The following UROC1 variants were observed in gnomAD, a reference collection of about 807,000 sequenced individuals.
The protein encoded by UROC1 is urocanate hydratase 1.
A neutral mutation model predicts 89.5 loss-of-function variants in UROC1; 79 were observed. The observed-to-expected ratio is 0.88, with a 90% CI of 0.74 to 1.06. The LOEUF (loss-of-function observed/expected upper bound fraction) is 1.06, where lower values mean the gene tolerates loss of function less well. Among genes scored for constraint, UROC1 ranks in the 50% least tolerant of loss-of-function variants. UROC1 has a pLI of 0.00. For missense variants in UROC1, 885 were observed against 907.8 expected (o/e 0.97, Z 0.32); for synonymous variants, 361 against 354.8 (o/e 1.02, Z -0.20).
At chr3:126,501,011 C>A in intron 10 of UROC1, 137 bp from the exon 11 acceptor site, 3 of 1,378,140 alleles carry the variant, frequency 2.2e-6, no homozygotes, top group South Asian at 2.4e-5. Context: ...CCCTGCTTTC[C>A]CCCTGGAAAG....
At chr3:126,499,512 C>T in intron 12 of UROC1, 103 bp from the exon 13 acceptor site, 4 of 1,136,790 alleles carry the variant, frequency 3.5e-6, no homozygotes, top group Non-Finnish European at 3.9e-6. Context: ...GGGAAGGATG[C>T]ACAAGGTCTT....
At chr3:126,494,931 C>G (rs1000020258) in intron 15 of UROC1, among the ~76,000 whole-genome samples, 29 of 152,250 alleles carry the variant, frequency 1.9e-4, no homozygotes, top group South Asian at 4.1e-4. Flanking sequence ...CAAGCAGGGC[C>G]ACAGGGGCCT....
Position 126,482,327 on chromosome 3 carries a change from C to A in UROC1, c.*18G>T. ...CGCCAGGGAGGAAGGGAGGCAGGGG[C>A]CGCGACTCCTGGCTCCCTCAGAGCT... On this transcript the variant is annotated 3_prime_UTR_variant, in exon 20 of 20. Coordinates refer to ENST00000290868, the MANE Select transcript of UROC1 (RefSeq NM_144639.3). The A allele has an allele frequency of 1.2e-6, 2 of 1,610,280 alleles. No homozygotes were observed. Among genetic ancestry groups the A allele is most frequent in the Non-Finnish European group, 1.7e-6 (2 of 1,178,344 alleles).
chr3:126,497,830 G>A (rs1043006771), intron 14 of UROC1, among the ~76,000 whole-genome samples: 1 of 152,260 alleles, frequency 6.6e-6, no homozygotes, highest in Non-Finnish European at 1.5e-5. Context: ...TGCCTCCACG[G>A]CTGAGAACGA....
At position 126,498,145 on chromosome 3, in the gene UROC1, A is replaced by G; in HGVS notation, c.1344T>C (p.Pro448=). The change falls in exon 14 of 20, where the codon CCT becomes CCC. Residue 448 remains proline (P), a synonymous_variant. Coordinates refer to ENST00000290868, the MANE Select transcript of UROC1 (RefSeq NM_144639.3). ...MGDIFSQGFG[P]FRWVCTSGDP... ...CCCCCGATGTGCACACCCAGCGGAA[A>G]GGCCCAAATCCCTGGGAGAATATGT... The G allele has an allele frequency of 6.2e-7, 1 of 1,614,220 alleles. No homozygotes were observed.
chr3:126,483,565 C>T (rs1395059829), intron 18 of UROC1, 97 bp from the exon 19 acceptor site: 4 of 1,215,660 alleles, frequency 3.3e-6, no homozygotes, highest in Admixed American at 4.0e-5. Context: ...CTTGAGACGG[C>T]GTCAGGGTTG....
At chr3:126,515,352 A>T (rs1333692166) in intron 1 of UROC1, among the ~76,000 whole-genome samples, 1 of 151,658 alleles carries the variant, frequency 6.6e-6, no homozygotes, top group African/African-American at 2.4e-5. Context: ...CCTGCTTGCA[A>T]TCTGCCCCTG....
Position 126,503,875 on chromosome 3 carries a change from T to G in UROC1, c.902+120A>C. 3.8e-6 allele frequency: 4 copies of G among 1,043,586 alleles called. No individual in the cohort carries two copies. The East Asian group carries it at 9.4e-5, about 25-fold the overall frequency. The allele number at this position is 1,043,586 out of a possible 1,614,324, so 64.6% of individuals were successfully genotyped here. A position where few individuals can be genotyped will look rare whatever the true frequency, so the allele number is the denominator to read the frequency against. On this transcript the variant is annotated intron_variant, in intron 9 of 19. Coordinates refer to ENST00000290868, the MANE Select transcript of UROC1 (RefSeq NM_144639.3). The stretch of plus-strand genomic sequence containing the variant: ...TGTGCATGTATGTGTGGTGCCCACA[T>G]GTAGCCAGCTGTCAGGCATTAAACA...
rs1935400911 is a variant in UROC1 at position 126,482,060 on chromosome 3, G to A, written c.*285C>T. Reference sequence around the variant, plus strand: ...GAGCTTGACCAGTGTTCACCGCAGGGCCCCCGGGCAGGCTTGGGACTTGGC... The same window carrying A: ...GAGCTTGACCAGTGTTCACCGCAGGACCCCCGGGCAGGCTTGGGACTTGGC... On this transcript the variant is annotated 3_prime_UTR_variant, in exon 20 of 20. Coordinates refer to ENST00000290868, the MANE Select transcript of UROC1 (RefSeq NM_144639.3). The A allele has an allele frequency of 6.1e-6, 3 of 490,626 alleles. No individual in the cohort carries two copies. Among genetic ancestry groups the A allele is most frequent in the Admixed American group, 6.8e-5 (2 of 29,618 alleles). 30.4% of individuals were successfully genotyped at this position (490,626 alleles called of 1,614,324 possible). A position where few individuals can be genotyped will look rare whatever the true frequency, so the allele number is the denominator to read the frequency against.
chr3:126,502,253 ATG>A (rs939869636), intron 9 of UROC1, among the ~76,000 whole-genome samples: 2 of 148,236 alleles, frequency 1.3e-5, no homozygotes, highest in African/African-American at 5.0e-5. Flanking sequence ...CTGTGTGTTT[ATG>A]TGTGTGTGCG....
rs769909802 is a variant in UROC1 at position 126,489,350 on chromosome 3, T to C, written c.1634A>G (p.His545Arg). The part of the protein sequence containing the change: ...IKAPVVLSRD[H>R]HDVSGTDSPF... ...GCTGTCGGTGCCGCTCACGTCATGG[T>C]GATCTCGGCTCAGGACCACCGGCGC... is the stretch of plus-strand genomic sequence containing the variant. Residue 545 changes from histidine to arginine, a missense_variant, in exon 17 of 20, where the codon CAC becomes CGC. His to Arg is a conservative substitution (Grantham distance 29, BLOSUM62 0). Transcript: ENST00000290868. The C allele has an allele frequency of 3.7e-6, 6 of 1,613,004 alleles. No individual in the cohort carries two copies.
Position 126,492,533 on chromosome 3 carries a change from A to G in UROC1, c.1510-17T>C. 6.2e-7 allele frequency: 1 copy of G among 1,601,908 alleles called. No individual in the cohort carries two copies. The highest frequency in any genetic ancestry group is 1.3e-5 in the African/African-American group (1 of 74,846). ...GCCCACCACCTGAGGAGAGAAGGGC[A>G]ACTGGCATCTCAGCCAACATAGGCA... On this transcript the variant is annotated splice_polypyrimidine_tract_variant and intron_variant, in intron 15 of 19. Coordinates refer to ENST00000290868, the MANE Select transcript of UROC1 (RefSeq NM_144639.3).
At chr3:126,515,390 C>T (rs575164837) in intron 1 of UROC1, among the ~76,000 whole-genome samples, 2 of 150,086 alleles carry the variant, frequency 1.3e-5, no homozygotes, top group Non-Finnish European at 3.0e-5. Flanking sequence ...CGCCCCCGTC[C>T]AGGACCCACC....
intron 9 of UROC1, chr3:126,502,042 T>C: frequency 7.4e-7 from 1 of 1,342,374 alleles, no homozygotes; most frequent in South Asian, 1.6e-5. Flanking sequence ...CTCGAGACAG[T>C]TCCTTAAACT....
intron 1 of UROC1, among the ~76,000 whole-genome samples, chr3:126,511,798 G>A (rs1466199959): frequency 6.6e-6 from 1 of 152,156 alleles, no homozygotes; most frequent in East Asian, 1.9e-4. Flanking sequence ...CCAAAGCTCT[G>A]TCTGCCACAT....
rs1204454639 is a variant in UROC1, at chr3:126,482,447, A to G, written c.1929T>C (p.Tyr643=). ...CCTGCATGGTCTGGCAGATGATCTC[A>G]TAGGCCTTCTGGTTCCCTGACCAGC... ...RRCWSGNQKA[Y]EIICQTMQEN... Residue 643 remains tyrosine (Y), a synonymous_variant, in exon 20 of 20, where the codon TAT becomes TAC. Transcript: ENST00000290868. 3 of 1,612,182 alleles carry G rather than the reference A, an allele frequency of 1.9e-6. No individual in the cohort carries two copies. The highest frequency in any genetic ancestry group is 2.7e-5 in the African/African-American group (2 of 74,868).
At chr3:126,498,223 G>C (rs766351971) in intron 13 of UROC1, 51 bp from the exon 14 acceptor site, 4 of 1,612,920 alleles carry the variant, frequency 2.5e-6, no homozygotes, top group Non-Finnish European at 2.5e-6. Flanking sequence ...TGTTGGGGGA[G>C]GGGGTGCAGG....
intron 14 of UROC1, 116 bp downstream of exon 14, chr3:126,497,935 C>T (rs1014915701): frequency 1.5e-5 from 23 of 1,575,494 alleles, no homozygotes; most frequent in South Asian, 6.7e-5. Context: ...AAGTCATCTG[C>T]GCCCAGGTTC....
intron 18 of UROC1, among the ~76,000 whole-genome samples, chr3:126,485,591 A>ATTTTT (rs372032139): frequency 2.2e-5 from 3 of 134,470 alleles, no homozygotes. Context: ...TTCCCCATTT[A>ATTTTT]TTTATTTATT....
Sources: gnomAD v4.1 joint callset for allele counts (sites outside exome capture counted in the v4.1 genomes callset) on GRCh38, gnomAD v4.1.1 for gene constraint, MANE v1.5 for transcripts, NCBI Gene and HGNC (gene_info 2026-07-23, HGNC 2026-07-21) for gene names.